KLF12: variants seen among roughly 807,000 people sequenced by gnomAD.
KLF12 encodes the protein Krueppel-like factor 12.
In KLF12, 9 loss-of-function variants were observed where a neutral mutation model predicts 37.8. The ratio of observed to expected loss-of-function variants is 0.24; its 90% CI spans 0.14 to 0.42. The LOEUF (loss-of-function observed/expected upper bound fraction) is 0.42, where lower values mean the gene tolerates loss of function less well. KLF12 is among the 10% of genes least tolerant of loss of function. The pLI, the probability that KLF12 is intolerant of heterozygous loss-of-function variation, is 1.00. For synonymous variants in KLF12, 208 were observed against 202.1 expected, an observed-to-expected ratio of 1.03 and a Z score of -0.25; for missense variants, 411 against 516.0, an observed-to-expected ratio of 0.80 and a Z score of 1.97.
chr13:73,789,877 C>T (rs1159554884), intron 5 of KLF12, among the ~76,000 whole-genome samples: 2 of 152,118 alleles, frequency 1.3e-5, no homozygotes, highest in South Asian at 2.1e-4. Context: ...GGGGTTTCAC[C>T]GTGTTAGCCA....
At chr13:73,779,696 G>A (rs967539744) in intron 5 of KLF12, among the ~76,000 whole-genome samples, 1 of 152,210 alleles carries the variant, frequency 6.6e-6, no homozygotes, top group African/African-American at 2.4e-5. Context: ...TGGGTAGCTT[G>A]GGGATCCCAT....
chr13:73,757,094 C>T (rs1333703287), intron 6 of KLF12, among the ~76,000 whole-genome samples: 1 of 152,164 alleles, frequency 6.6e-6, no homozygotes. Flanking sequence ...TTCACCTACA[C>T]AATCCTATGC....
rs888458568 is a variant in KLF12, at chr13:73,944,848, C to T, written c.34-778G>A. Among the ~76,000 whole-genome samples, 3 of 152,098 alleles carry T rather than the reference C, an allele frequency of 2.0e-5. No homozygotes were observed. In the South Asian group the frequency reaches 6.2e-4, roughly 32 times the overall value. Reference sequence around the variant, plus strand: ...TTGGGGATTTTCTACAGTCAGCAACCCAGGAAGGGAGTCAGAATCACACTT... The same window carrying T: ...TTGGGGATTTTCTACAGTCAGCAACTCAGGAAGGGAGTCAGAATCACACTT... On this transcript the variant is annotated intron_variant, in intron 2 of 7. Coordinates refer to ENST00000377669, the MANE Select transcript of KLF12 (RefSeq NM_007249.5).
At chr13:74,278,755 G>A in the KLF12 span, among the ~76,000 whole-genome samples, 1 of 152,136 alleles carries the variant, frequency 6.6e-6, no homozygotes, top group Admixed American at 6.5e-5. Context: ...TTAATTTTCT[G>A]CCATGGGATA....
intron 3 of KLF12, among the ~76,000 whole-genome samples, chr13:73,893,495 C>A (rs751553362): frequency 1.5e-4 from 23 of 151,506 alleles, no homozygotes; most frequent in Non-Finnish European, 3.2e-4. Context: ...GATTCTCCTG[C>A]CTCAGCCTCC....
intron 1 of KLF12, among the ~76,000 whole-genome samples, chr13:74,065,603 G>C (rs1873868841): frequency 6.6e-6 from 1 of 152,004 alleles, no homozygotes; most frequent in African/African-American, 2.4e-5. Flanking sequence ...CTGTAATATG[G>C]GATAGAGAAG....
the KLF12 span, among the ~76,000 whole-genome samples, chr13:74,192,149 T>G: frequency 6.6e-6 from 1 of 151,862 alleles, no homozygotes; most frequent in African/African-American, 2.4e-5. Context: ...TCAAGAGGAG[T>G]GCCTTGACTA....
the KLF12 span, among the ~76,000 whole-genome samples, chr13:74,300,812 T>G: frequency 1.4e-4 from 22 of 152,302 alleles, no homozygotes; most frequent in African/African-American, 4.6e-4. Flanking sequence ...GGAAGCTGAT[T>G]TAAGGGAAGT....
chr13:73,731,287 G>A (rs975679908), intron 6 of KLF12, among the ~76,000 whole-genome samples: 3 of 152,062 alleles, frequency 2.0e-5, no homozygotes, highest in African/African-American at 7.2e-5. Flanking sequence ...AAAAGCTAAT[G>A]ATTAAAATTA....
chr13:73,752,734 T>A (rs1426469748), intron 6 of KLF12, among the ~76,000 whole-genome samples: 7 of 135,120 alleles, frequency 5.2e-5, no homozygotes, highest in African/African-American at 2.2e-4. Flanking sequence ...ATATATATTT[T>A]TTTTTTTTTG....
At chr13:73,860,600 T>G (rs1318899759) in intron 3 of KLF12, among the ~76,000 whole-genome samples, 1 of 152,080 alleles carries the variant, frequency 6.6e-6, no homozygotes, top group African/African-American at 2.4e-5. Context: ...ATAAATAAGC[T>G]GGGTGTGGTG....
intron 3 of KLF12, among the ~76,000 whole-genome samples, chr13:73,895,886 T>A (rs1198769219): frequency 6.6e-6 from 1 of 151,568 alleles, no homozygotes. Context: ...AGTGGAGTGA[T>A]CTGGGCTCAC....
chr13:74,012,511 T>A (rs956426268), intron 1 of KLF12, among the ~76,000 whole-genome samples: 1 of 152,228 alleles, frequency 6.6e-6, no homozygotes, highest in South Asian at 2.1e-4. Context: ...GGGAAATGCA[T>A]GTGACAATAT....
At position 74,102,294 on chromosome 13, in the gene KLF12, C is replaced by T. The variant is rs550849670; in HGVS notation, c.-32+31445G>A. ...AGGGAAAGATGGATATTGGTGTAAT[C>T]TTAACACTAAGTGCTTAACTCCTGA... On this transcript the variant is annotated intron_variant, in intron 1 of 7. Coordinates refer to ENST00000377669, the MANE Select transcript of KLF12 (RefSeq NM_007249.5). Among the ~76,000 whole-genome samples the T allele has an allele frequency of 9.2e-5, 14 of 151,860 alleles. No homozygotes were observed. The South Asian group carries it at 2.7e-3, about 29-fold the overall frequency.
intron 1 of KLF12, among the ~76,000 whole-genome samples, chr13:74,048,250 G>A (rs76029240): frequency 0.051 from 7,751 of 152,238 alleles, 295 homozygotes; most frequent in African/African-American, 0.11. Flanking sequence ...GCTGGAATAC[G>A]TCATCTTTAT....
intron 1 of KLF12, among the ~76,000 whole-genome samples, chr13:74,089,117 T>C (rs968536200): frequency 6.6e-6 from 1 of 152,206 alleles, no homozygotes; most frequent in Non-Finnish European, 1.5e-5. Context: ...ATGAAGTTTA[T>C]TTTACTTTAT....
the KLF12 span, among the ~76,000 whole-genome samples, chr13:74,262,702 T>C: frequency 6.6e-6 from 1 of 152,234 alleles, no homozygotes; most frequent in African/African-American, 2.4e-5. Context: ...AATCCCTGAA[T>C]GTGGAACCCA....
intron 3 of KLF12, among the ~76,000 whole-genome samples, chr13:73,897,618 T>C (rs1887848123): frequency 1.3e-5 from 2 of 152,204 alleles, no homozygotes; most frequent in East Asian, 1.9e-4. Flanking sequence ...ATACCCCAAA[T>C]TGCTCTCTAA....
intron 6 of KLF12, among the ~76,000 whole-genome samples, chr13:73,758,674 C>A (rs1289738575): frequency 6.6e-6 from 1 of 152,026 alleles, no homozygotes; most frequent in Admixed American, 6.6e-5. Context: ...GAAGTGGTTA[C>A]CTTTATGGCC....
Sources: gnomAD v4.1 joint callset for allele counts (sites outside exome capture counted in the v4.1 genomes callset) on GRCh38, gnomAD v4.1.1 for gene constraint, MANE v1.5 for transcripts, NCBI Gene and HGNC (gene_info 2026-07-23, HGNC 2026-07-21) for gene names.